ABCC5: variants seen among roughly 807,000 people sequenced by gnomAD.
The protein encoded by ABCC5 is ATP-binding cassette sub-family C member 5.
In ABCC5, 61 loss-of-function variants were observed where a neutral mutation model predicts 160.9. The observed-to-expected ratio is 0.38, with a 90% CI of 0.31 to 0.47. The LOEUF is 0.47. Ranked by LOEUF, ABCC5 falls within the 20% of genes least tolerant of loss-of-function variation. ABCC5 has a pLI of 0.99. For synonymous variants in ABCC5, 666 were observed against 700.6 expected (o/e 0.95, Z 0.78); for missense variants, 1,308 against 1,813.3 (o/e 0.72, Z 5.06).
At chr3:183,927,638 T>C (rs1374958586) in intron 27 of ABCC5, 195 bp from the exon 28 acceptor site, 10 of 985,330 alleles carry the variant, frequency 1.0e-5, no homozygotes, top group South Asian at 4.7e-5. Context: ...CTGATTCCAA[T>C]AGACTATTCT....
At chr3:183,944,828 T>C (rs993426021) in intron 24 of ABCC5, among the ~76,000 whole-genome samples, 2 of 152,202 alleles carry the variant, frequency 1.3e-5, no homozygotes, top group Non-Finnish European at 2.9e-5. Flanking sequence ...GGAAGCCAAA[T>C]GATTGGACAC....
chr3:183,967,643 A>T, intron 12 of ABCC5, 52 bp downstream of exon 12: 2 of 1,505,070 alleles, frequency 1.3e-6, no homozygotes, highest in Non-Finnish European at 1.8e-6. Flanking sequence ...TTTTCCTGAG[A>T]CTCTTGCAAA....
chr3:183,973,119 A>G (rs1717916789), intron 10 of ABCC5, among the ~76,000 whole-genome samples: 1 of 147,290 alleles, frequency 6.8e-6, no homozygotes, highest in South Asian at 2.1e-4. Context: ...CAGTGGTGCA[A>G]TCTCGGCTCA....
chr3:183,972,279 G>A (rs1340889905), intron 10 of ABCC5, among the ~76,000 whole-genome samples: 1 of 152,070 alleles, frequency 6.6e-6, no homozygotes, highest in African/African-American at 2.4e-5. Flanking sequence ...AAAAGCAAAG[G>A]GCATGCTGAC....
At chr3:183,939,444 A>C (rs374337401) in intron 25 of ABCC5, among the ~76,000 whole-genome samples, 2 of 152,174 alleles carry the variant, frequency 1.3e-5, no homozygotes, top group Admixed American at 1.3e-4. Context: ...AACAAAACAA[A>C]ACAAAAGCAT....
intron 2 of ABCC5, among the ~76,000 whole-genome samples, chr3:183,996,011 G>C (rs972457296): frequency 2.6e-5 from 4 of 152,098 alleles, no homozygotes; most frequent in African/African-American, 9.7e-5. Flanking sequence ...GTTTCACCGT[G>C]TTGGCCAGGC....
Position 183,983,956 on chromosome 3 carries a change from G to A in ABCC5, c.592-949C>T, listed in dbSNP as rs539439981. ...CGACACACAGTAGAAATAGAGAATAGAACCCATATCTGTTTCCAGAGTCCA... is the reference window on the plus strand; with the variant it reads ...CGACACACAGTAGAAATAGAGAATAAAACCCATATCTGTTTCCAGAGTCCA... On this transcript the variant is annotated intron_variant, in intron 5 of 29. Transcript: ENST00000334444. 1.5e-5 allele frequency: 15 copies of A among 985,350 alleles called. No individual in the cohort carries two copies. In the South Asian group the frequency reaches 7.0e-4, roughly 46 times the overall value. 61.0% of individuals were successfully genotyped at this position (985,350 alleles called of 1,614,324 possible).
Position 183,959,618 on chromosome 3 carries a change from A to G in ABCC5, c.2482+115T>C. 3.8e-6 allele frequency: 3 copies of G among 798,146 alleles called. No individual in the cohort carries two copies. The South Asian group carries it at 5.8e-5, about 15-fold the overall frequency. 49.4% of individuals were successfully genotyped at this position (798,146 alleles called of 1,614,324 possible). On this transcript the variant is annotated intron_variant, in intron 17 of 29. Coordinates refer to ENST00000334444, the MANE Select transcript of ABCC5 (RefSeq NM_005688.4). ...GAACTTTGTTTTCCAGAAATGTAAG[A>G]CCAAGTATTTATATTGTACACACAC...
intron 10 of ABCC5, among the ~76,000 whole-genome samples, chr3:183,972,788 G>A (rs2108838094): frequency 6.6e-6 from 1 of 152,228 alleles, no homozygotes; most frequent in South Asian, 2.1e-4. Flanking sequence ...GAAATTACAG[G>A]CACGTGCCAC....
Position 183,965,377 on chromosome 3 carries a change from C to T in ABCC5, c.1958G>A (p.Arg653Lys). 1 of 1,614,154 alleles carries T rather than the reference C, an allele frequency of 6.2e-7. No homozygotes were observed. Among genetic ancestry groups the T allele is most frequent in the Non-Finnish European group, 8.5e-7 (1 of 1,180,050 alleles). The stretch of plus-strand genomic sequence containing the variant: ...ATGACAGAAGCCAAACATTCCTTGC[C>T]TTTCTTCATCATATTCCTTCCCAAA... ...ILFGKEYDEE[R>K]YNSVLNSCCL... Residue 653 changes from arginine to lysine, a missense_variant and splice_region_variant, in exon 13 of 30, where the codon AGA becomes AAA. By Grantham distance (26) the Arg-to-Lys change is conservative. Around this residue, in one of 3 missense-constraint regions of ABCC5, gnomAD observed 1,142 missense variants for 1,527.1 expected, o/e 0.75. Transcript: ENST00000334444.
intron 22 of ABCC5, 46 bp from the exon 23 acceptor site, chr3:183,947,556 C>T (rs1165705551): frequency 6.1e-6 from 9 of 1,465,500 alleles, no homozygotes; most frequent in Non-Finnish European, 7.4e-6. Flanking sequence ...TACTACACAA[C>T]CCCGCGCATG....
chr3:184,000,260 C>T (rs1389274866), intron 2 of ABCC5, among the ~76,000 whole-genome samples: 1 of 151,904 alleles, frequency 6.6e-6, no homozygotes, highest in Non-Finnish European at 1.5e-5. Context: ...GGGAGGATCG[C>T]TTGAGCCAGG....
chr3:183,989,187 T>G, intron 3 of ABCC5, 39 bp downstream of exon 3: 2 of 1,463,090 alleles, frequency 1.4e-6, no homozygotes, highest in Non-Finnish European at 1.8e-6. Flanking sequence ...AAAAAAGGCC[T>G]TTGATGCTTC....
chr3:184,016,492 A>G (rs1435546902), intron 1 of ABCC5, among the ~76,000 whole-genome samples: 1 of 152,214 alleles, frequency 6.6e-6, no homozygotes, highest in Non-Finnish European at 1.5e-5. Flanking sequence ...AGGTTTGGAA[A>G]GAAACAAAGC....
intron 14 of ABCC5, 124 bp downstream of exon 14, chr3:183,965,061 C>A: frequency 1.1e-6 from 1 of 914,084 alleles, no homozygotes; most frequent in Non-Finnish European, 1.7e-6. Flanking sequence ...AACACAAAGG[C>A]CTAATGACAG....
At chr3:183,961,946 AT>A (rs1444790629) in intron 15 of ABCC5, among the ~76,000 whole-genome samples, 2 of 152,076 alleles carry the variant, frequency 1.3e-5, no homozygotes, top group Admixed American at 1.3e-4. Flanking sequence ...TGTCTGGCTA[AT>A]TTTTTTGTAT....
At position 183,961,640 on chromosome 3, in the gene ABCC5, A is replaced by G; in HGVS notation, c.2250T>C (p.Cys750=). ...VTHQLQYLVD[C]DEVIFMKEGC... ...CCTCTTTCATGAAGATCACTTCATC[A>G]CAGTCAACCAGGTACTGAAGGCAAA... Residue 750 remains cysteine (C), a synonymous_variant, in exon 16 of 30, where the codon TGT becomes TGC. Coordinates refer to ENST00000334444, the MANE Select transcript of ABCC5 (RefSeq NM_005688.4). 1 of 1,614,226 alleles carries G rather than the reference A, an allele frequency of 6.2e-7. No homozygotes were observed. The highest frequency in any genetic ancestry group is 1.6e-4 in the Middle Eastern group (1 of 6,062).
At chr3:183,956,475 T>C (rs1301135194) in intron 17 of ABCC5, among the ~76,000 whole-genome samples, 2 of 151,194 alleles carry the variant, frequency 1.3e-5, no homozygotes, top group Non-Finnish European at 2.9e-5. Context: ...CGGATCCGTG[T>C]GTATATCACA....
chr3:183,984,607 C>T, intron 5 of ABCC5: 1 of 1,388,534 alleles, frequency 7.2e-7, no homozygotes, highest in East Asian at 2.8e-5. Context: ...AGGAAATAAC[C>T]TGATCAAATA....
Sources: allele counts gnomAD v4.1 joint callset (sites outside exome capture counted in the v4.1 genomes callset), GRCh38; gene constraint gnomAD v4.1.1; regional missense constraint gnomAD v4.1.1; transcripts MANE v1.5; gene names NCBI Gene and HGNC (gene_info 2026-07-23, HGNC 2026-07-21).